PTPRN2: variants seen among roughly 807,000 people sequenced by gnomAD.
The protein encoded by PTPRN2 is protein tyrosine phosphatase receptor type N2.
In PTPRN2, 74 loss-of-function variants were observed where a neutral mutation model predicts 118.8. The observed-to-expected ratio is 0.62, with a 90% CI of 0.52 to 0.76. The LOEUF (loss-of-function observed/expected upper bound fraction) is 0.76, where lower values mean the gene tolerates loss of function less well. Ranked by LOEUF, PTPRN2 falls within the 30% of genes least tolerant of loss-of-function variation. The probability of loss-of-function intolerance (pLI) is 0.00; values close to 1 mark genes in which losing one functional copy is unlikely to be tolerated. For synonymous variants in PTPRN2, 641 were observed against 608.0 expected (o/e 1.05, Z -0.80); for missense variants, 1,481 against 1,394.4 (o/e 1.06, Z -0.99).
intron 11 of PTPRN2, among the ~76,000 whole-genome samples, chr7:158,043,501 G>T (rs1808622757): frequency 7.5e-6 from 1 of 132,630 alleles, no homozygotes. Context: ...TAAAGGGTTG[G>T]TAAGTTTTTC....
rs538996198 is a variant in PTPRN2, at chr7:158,417,116, A to G, written c.163+72619T>C. Among the ~76,000 whole-genome samples, 73 of 150,842 alleles carry G rather than the reference A, an allele frequency of 4.8e-4. 1 individual carries two copies. The highest frequency in any genetic ancestry group is 1.7e-3 in the African/African-American group (68 of 40,922). Reference sequence around the variant, plus strand: ...GTGTTAAGTTGTGGTGTACTACATCAAGATGCCGTAGCTCTCAGTGTCCTG... The same window carrying G: ...GTGTTAAGTTGTGGTGTACTACATCGAGATGCCGTAGCTCTCAGTGTCCTG... On this transcript the variant is annotated intron_variant, in intron 2 of 22. Transcript: ENST00000389418.
intron 2 of PTPRN2, among the ~76,000 whole-genome samples, chr7:158,447,117 G>A (rs1817777327): frequency 1.3e-5 from 2 of 152,118 alleles, no homozygotes; most frequent in Non-Finnish European, 2.9e-5. Flanking sequence ...TTTTTGCTCT[G>A]AAACACTGAA....
chr7:157,898,694 A>T lies in PTPRN2; in HGVS notation c.1767T>A (p.Ile589=), dbSNP rs778568654. The change falls in exon 12 of 23, where the codon ATT becomes ATA. Residue 589 remains isoleucine, a synonymous_variant. Transcript: ENST00000389418. ...TCACCGACCCGACTCCGGTTTGAAG[A>T]ATTTTCAGTCCAGAGGTTTCCTCCA... ...DKLEETSGLK[I]LQTGVGSKSK... The T allele has an allele frequency of 6.2e-7, 1 of 1,606,742 alleles. No individual in the cohort carries two copies. The highest frequency in any genetic ancestry group is 1.1e-5 in the South Asian group (1 of 90,922).
intron 9 of PTPRN2, among the ~76,000 whole-genome samples, chr7:158,115,699 C>T (rs541999786): frequency 3.9e-5 from 6 of 152,092 alleles, no homozygotes; most frequent in Non-Finnish European, 8.8e-5. Context: ...ATTCCAACCC[C>T]TGGAATTGTG....
intron 2 of PTPRN2, among the ~76,000 whole-genome samples, chr7:158,327,453 G>A (rs1392183678): frequency 6.8e-6 from 1 of 148,108 alleles, no homozygotes; most frequent in African/African-American, 2.5e-5. Context: ...GCACACACCT[G>A]CTCACACATG....
chr7:158,014,743 A>G (rs1365063984), intron 11 of PTPRN2, among the ~76,000 whole-genome samples: 1 of 151,534 alleles, frequency 6.6e-6, no homozygotes, highest in Admixed American at 6.6e-5. Context: ...CCAGCCAGCC[A>G]TCTCTTCACC....
chr7:157,916,550 G>A (rs1251154345), intron 11 of PTPRN2, among the ~76,000 whole-genome samples: 3 of 152,228 alleles, frequency 2.0e-5, no homozygotes, highest in African/African-American at 7.2e-5. Context: ...GCACCAAGAC[G>A]CATCATTTGC....
chr7:158,022,396 G>A lies in PTPRN2; in HGVS notation c.1723+58902C>T, dbSNP rs558313770. Among the ~76,000 whole-genome samples the A allele has an allele frequency of 1.1e-4, 16 of 152,158 alleles. No individual in the cohort carries two copies. Among genetic ancestry groups the A allele is most frequent in the Non-Finnish European group, 1.2e-4 (8 of 68,042 alleles). ...ACTCTCCAGTTCCATGATTTCCCAC[G>A]GTGATTACTGAGGGAAGACCAGCGC... On this transcript the variant is annotated intron_variant, in intron 11 of 22. Coordinates refer to ENST00000389418, the MANE Select transcript of PTPRN2 (RefSeq NM_002847.5). This position sits in a 1 kb window ranked among gnomAD's most constrained non-coding sequence, Gnocchi z 4.6.
chr7:158,184,374 T>A (rs1273794583), intron 5 of PTPRN2, among the ~76,000 whole-genome samples: 2 of 152,228 alleles, frequency 1.3e-5, no homozygotes, highest in Non-Finnish European at 2.9e-5. Flanking sequence ...TGCTACTATA[T>A]TTTTTAAAAT....
intron 17 of PTPRN2, among the ~76,000 whole-genome samples, 190 bp from the exon 18 acceptor site, chr7:157,578,330 C>T (rs1158429158): frequency 6.6e-6 from 1 of 152,202 alleles, no homozygotes; most frequent in Non-Finnish European, 1.5e-5. Flanking sequence ...TTTGCATGTT[C>T]CACGAAATAT....
intron 2 of PTPRN2, among the ~76,000 whole-genome samples, chr7:158,329,460 G>A (rs1271691783): frequency 6.6e-6 from 1 of 152,168 alleles, no homozygotes; most frequent in Non-Finnish European, 1.5e-5. Flanking sequence ...GCTGAGAGGC[G>A]AGGAGGTGGG....
At chr7:158,131,810 A>G (rs4909270) in intron 9 of PTPRN2, among the ~76,000 whole-genome samples, 99,947 of 150,204 alleles carry the variant, frequency 0.67, 34,060 homozygotes, top group African/African-American at 0.81. Flanking sequence ...ACACACACAC[A>G]CAAATACGCA....
chr7:158,179,630 AGTT>A (rs774220830), intron 5 of PTPRN2, among the ~76,000 whole-genome samples: 7 of 152,144 alleles, frequency 4.6e-5, no homozygotes, highest in Admixed American at 6.5e-5. Context: ...CTTAGATTTA[AGTT>A]GTTGATCCAT....
chr7:158,383,902 T>G (rs1467990732), intron 2 of PTPRN2, among the ~76,000 whole-genome samples: 2 of 152,232 alleles, frequency 1.3e-5, no homozygotes, highest in Non-Finnish European at 2.9e-5. Context: ...CTTTGGCATA[T>G]GAGAGCCACT....
At chr7:158,091,933 TG>T (rs1814200288) in intron 10 of PTPRN2, among the ~76,000 whole-genome samples, 1 of 29,138 alleles carries the variant, frequency 3.4e-5, no homozygotes. Flanking sequence ...GGTGGGTGGG[TG>T]GATGGGTGAG....
At chr7:157,705,715 C>T (rs954280098) in intron 12 of PTPRN2, among the ~76,000 whole-genome samples, 9 of 140,932 alleles carry the variant, frequency 6.4e-5, no homozygotes, top group East Asian at 4.2e-4. Context: ...TCTGGATAAA[C>T]GCGGATCACA....
chr7:157,843,814 T>C (rs1005553803), intron 12 of PTPRN2, among the ~76,000 whole-genome samples: 1 of 152,222 alleles, frequency 6.6e-6, no homozygotes, highest in African/African-American at 2.4e-5. Context: ...CAAGGCTTAA[T>C]GCGTGGGATG....
intron 6 of PTPRN2, among the ~76,000 whole-genome samples, chr7:158,152,640 T>C (rs562099700): frequency 6.6e-6 from 1 of 152,272 alleles, no homozygotes; most frequent in South Asian, 2.1e-4. Context: ...CACTCCTGCC[T>C]TCACCACCAA....
At chr7:157,891,017 T>C (rs1796769131) in intron 12 of PTPRN2, among the ~76,000 whole-genome samples, 1 of 149,414 alleles carries the variant, frequency 6.7e-6, no homozygotes, top group East Asian at 2.1e-4. Context: ...ACCTCCTTAC[T>C]CCGGCTCTCT....
Sources: gnomAD v4.1 joint callset for allele counts (sites outside exome capture counted in the v4.1 genomes callset) on GRCh38, gnomAD v4.1.1 for gene constraint, Gnocchi (gnomAD v3.1) non-coding constraint, MANE v1.5 for transcripts, NCBI Gene and HGNC (gene_info 2026-07-23, HGNC 2026-07-21) for gene names.